ZNF33B: variants seen among roughly 807,000 people sequenced by gnomAD.
ZNF33B encodes zinc finger protein 11b (KOX 2).
In ZNF33B, 29 loss-of-function variants were observed where a neutral mutation model predicts 45.8. The observed-to-expected ratio is 0.63, with a 90% CI of 0.47 to 0.86. The LOEUF is 0.86. ZNF33B is among the 40% of genes least tolerant of loss of function. ZNF33B has a pLI of 0.00. For missense variants in ZNF33B, 831 were observed against 909.9 expected (o/e 0.91, Z 1.12); for synonymous variants, 305 against 307.8 (o/e 0.99, Z 0.10).
chr10:42,626,606 T>A (rs1472910073), intron 4 of ZNF33B, among the ~76,000 whole-genome samples: 1 of 151,972 alleles, frequency 6.6e-6, no homozygotes, highest in African/African-American at 2.4e-5. Flanking sequence ...GATAATCACT[T>A]GAACCTGGGA....
intron 2 of ZNF33B, among the ~76,000 whole-genome samples, chr10:42,635,732 C>T (rs1348901159): frequency 6.6e-6 from 1 of 150,570 alleles, no homozygotes; most frequent in Non-Finnish European, 1.5e-5. Flanking sequence ...ATCACTTGAA[C>T]CAGGGAATCG....
chr10:42,630,030 T>A (rs973577462), intron 4 of ZNF33B, among the ~76,000 whole-genome samples: 1 of 152,198 alleles, frequency 6.6e-6, no homozygotes. Flanking sequence ...TCAAAAATGA[T>A]TCTAGAAACT....
chr10:42,610,408 T>C (rs928894120), intron 4 of ZNF33B, among the ~76,000 whole-genome samples: 2 of 152,132 alleles, frequency 1.3e-5, no homozygotes, highest in Non-Finnish European at 1.5e-5. Flanking sequence ...CATGATGGCA[T>C]GTGCCTGTAG....
At chr10:42,633,127 T>C (rs1839131507) in intron 2 of ZNF33B, among the ~76,000 whole-genome samples, 2 of 152,230 alleles carry the variant, frequency 1.3e-5, no homozygotes, top group Non-Finnish European at 1.5e-5. Flanking sequence ...TTAATTCTCA[T>C]TTAGATTTAA....
At position 42,590,285 on chromosome 10, in the gene ZNF33B, AAAGAGAC is replaced by A. The variant is rs1341776417; in HGVS notation, c.*2321_*2327del. 1 of 152,184 alleles carries A rather than the reference AAAGAGAC, an allele frequency of 6.6e-6. No individual in the cohort carries two copies. The highest frequency in any genetic ancestry group is 6.5e-5 in the Admixed American group (1 of 15,268). 9.4% of individuals were successfully genotyped at this position (152,184 alleles called of 1,614,324 possible). On this transcript the variant is annotated 3_prime_UTR_variant, in exon 5 of 5. Transcript: ENST00000359467. ...GTGTTATCCCTGCTTTTATTTTCTG[AAAGAGAC>A]AGTACAGACTTGGTATCATTTCTAC...
chr10:42,621,793 A>C (rs1838602118), intron 4 of ZNF33B, among the ~76,000 whole-genome samples: 1 of 151,962 alleles, frequency 6.6e-6, no homozygotes, highest in African/African-American at 2.4e-5. Flanking sequence ...ATCAGGAAGA[A>C]GACAAAAATA....
intron 4 of ZNF33B, among the ~76,000 whole-genome samples, chr10:42,629,480 T>C (rs1247645264): frequency 1.3e-5 from 2 of 152,162 alleles, no homozygotes; most frequent in Admixed American, 6.6e-5. Flanking sequence ...AAAAGATAAA[T>C]ACTTGAGGGA....
At chr10:42,578,632 T>TGGCAAGA (rs1203385302) in intron 1 of ZNF33B, 1 of 152,624 alleles carries the variant, frequency 6.6e-6, no homozygotes, top group Non-Finnish European at 1.5e-5. Context: ...ATGGAAACCA[T>TGGCAAGA]GGCAAGAGGG....
intron 4 of ZNF33B, among the ~76,000 whole-genome samples, chr10:42,615,752 T>C (rs1331292904): frequency 2.0e-5 from 3 of 151,940 alleles, no homozygotes; most frequent in Non-Finnish European, 4.4e-5. Context: ...AGTGAAACCC[T>C]GTCTCTACTA....
rs533689220 is a variant in ZNF33B, at chr10:42,618,676, C to T, written c.250+13253G>A. On this transcript the variant is annotated intron_variant, in intron 4 of 4. Transcript: ENST00000359467. ...ACGTGTCTGGGTATAAGTCTCTTTG[C>T]ATTTATCCTCCTATGAGTTTGCTGA... Among the ~76,000 whole-genome samples, 26 of 152,234 alleles carry T rather than the reference C, an allele frequency of 1.7e-4. No individual in the cohort carries two copies. In the South Asian group the frequency reaches 5.0e-3, roughly 29 times the overall value.
rs1038025359 is a variant in ZNF33B at position 42,636,756 on chromosome 10, G to A, written c.9+164C>T. 16 of 868,994 alleles carry A rather than the reference G, an allele frequency of 1.8e-5. No individual in the cohort carries two copies. The Admixed American group carries it at 3.0e-4, about 16-fold the overall frequency. 53.8% of individuals were successfully genotyped at this position (868,994 alleles called of 1,614,324 possible). ...AATTGCTTGAACCCAGGAGGCAGAG[G>A]TTGCAAGGTTGCAGTGAACAGAGAT... On this transcript the variant is annotated intron_variant, in intron 2 of 4. Coordinates refer to ENST00000359467, the MANE Select transcript of ZNF33B (RefSeq NM_006955.3).
chr10:42,614,564 T>G (rs1838233950), intron 4 of ZNF33B, among the ~76,000 whole-genome samples: 1 of 152,232 alleles, frequency 6.6e-6, no homozygotes, highest in South Asian at 2.1e-4. Context: ...GGCAATTCTC[T>G]CTACTACCTC....
intron 4 of ZNF33B, among the ~76,000 whole-genome samples, chr10:42,621,976 G>T (rs887804170): frequency 6.6e-6 from 1 of 152,134 alleles, no homozygotes; most frequent in Non-Finnish European, 1.5e-5. Context: ...GCTAATGAAT[G>T]AATTCTGCAA....
At chr10:42,632,789 G>T in intron 2 of ZNF33B, 1 of 263,492 alleles carries the variant, frequency 3.8e-6, no homozygotes, top group South Asian at 5.5e-5. Flanking sequence ...AGTTAGCTCT[G>T]CTTTGAGTTT....
At chr10:42,600,643 G>A (rs975196564) in intron 4 of ZNF33B, among the ~76,000 whole-genome samples, 2 of 151,996 alleles carry the variant, frequency 1.3e-5, no homozygotes, top group Admixed American at 6.6e-5. Flanking sequence ...TAAATGGGGT[G>A]TTATATACCA....
intron 4 of ZNF33B, among the ~76,000 whole-genome samples, chr10:42,626,500 C>T (rs758246203): frequency 2.0e-5 from 3 of 151,934 alleles, no homozygotes; most frequent in Non-Finnish European, 4.4e-5. Context: ...CCAGCCTGGC[C>T]AATAAGGTGA....
chr10:42,592,559 G>C lies in ZNF33B; in HGVS notation c.*54C>G. Reference sequence around the variant, plus strand: ...AACAGGCCCTTCTCCACAGTGTGAAGACTCTGAGGCATTATGGAGGCTGAC... The same window carrying C: ...AACAGGCCCTTCTCCACAGTGTGAACACTCTGAGGCATTATGGAGGCTGAC... On this transcript the variant is annotated 3_prime_UTR_variant, in exon 5 of 5. Coordinates refer to ENST00000359467, the MANE Select transcript of ZNF33B (RefSeq NM_006955.3). 6.4e-7 allele frequency: 1 copy of C among 1,568,458 alleles called. No individual in the cohort carries two copies. Among genetic ancestry groups the C allele is most frequent in the Non-Finnish European group, 8.6e-7 (1 of 1,157,688 alleles).
intron 4 of ZNF33B, among the ~76,000 whole-genome samples, chr10:42,600,270 T>C (rs974766192): frequency 6.6e-6 from 1 of 152,120 alleles, no homozygotes; most frequent in Admixed American, 6.6e-5. Context: ...ATTTCCTGTT[T>C]TATTAATTAT....
intron 4 of ZNF33B, among the ~76,000 whole-genome samples, chr10:42,608,568 A>G (rs1403735767): frequency 6.6e-6 from 1 of 152,208 alleles, no homozygotes; most frequent in African/African-American, 2.4e-5. Flanking sequence ...AGAAGCAATA[A>G]GAAGGCAAAT....
Sources: gnomAD v4.1 joint callset for allele counts (sites outside exome capture counted in the v4.1 genomes callset) on GRCh38, gnomAD v4.1.1 for gene constraint, MANE v1.5 for transcripts, NCBI Gene and HGNC (gene_info 2026-07-23, HGNC 2026-07-21) for gene names.